Variants in FOCAD observed in about 807,000 individuals in gnomAD.
FOCAD encodes the protein KIAA1797.
FOCAD carries 198 observed loss-of-function variants against 225.6 expected under a neutral mutation model. The ratio of observed to expected loss-of-function variants is 0.88; its 90% confidence interval spans 0.78 to 0.99. The LOEUF is 0.99. FOCAD is among the 50% of genes least tolerant of loss of function. The probability of loss-of-function intolerance (pLI) is 0.00; values close to 1 mark genes in which losing one functional copy is unlikely to be tolerated. For missense variants in FOCAD, 2,713 were observed against 2,123.6 expected (o/e 1.28, Z -5.46); for synonymous variants, 897 against 755.0 (o/e 1.19, Z -3.08).
intron 5 of FOCAD, among the ~76,000 whole-genome samples, chr9:20,751,654 G>A (rs931436770): frequency 4.1e-5 from 6 of 146,280 alleles, no homozygotes; most frequent in African/African-American, 1.2e-4. Flanking sequence ...ATGATTTATA[G>A]TCCTTTGGGT....
intron 15 of FOCAD, among the ~76,000 whole-genome samples, chr9:20,843,136 G>A (rs1384277450): frequency 1.3e-5 from 2 of 151,948 alleles, no homozygotes; most frequent in African/African-American, 2.4e-5. Flanking sequence ...TATGAGTAGT[G>A]TACATACCAG....
intron 12 of FOCAD, 123 bp downstream of exon 12, chr9:20,820,023 G>A (rs1484648566): frequency 1.8e-6 from 1 of 559,126 alleles, no homozygotes; most frequent in African/African-American, 2.0e-5. Flanking sequence ...CTCTTGTTGA[G>A]CTAGGAGGTA....
At chr9:20,874,503 T>G in intron 18 of FOCAD, 178 bp from the exon 19 acceptor site, 1 of 580,930 alleles carries the variant, frequency 1.7e-6, no homozygotes, top group Non-Finnish European at 2.9e-6. Context: ...GTCATGACCA[T>G]TTAGTTAATC....
At chr9:20,921,239 T>C (rs193110449) in intron 24 of FOCAD, among the ~76,000 whole-genome samples, 1 of 152,316 alleles carries the variant, frequency 6.6e-6, no homozygotes, top group African/African-American at 2.4e-5. Context: ...TGTAATACTT[T>C]GTCCCTAAGA....
intron 15 of FOCAD, among the ~76,000 whole-genome samples, chr9:20,851,613 C>T (rs1272852984): frequency 6.6e-6 from 1 of 151,874 alleles, no homozygotes; most frequent in Non-Finnish European, 1.5e-5. Context: ...CTAGCAGCTT[C>T]TGTGTCACCT....
At chr9:20,690,441 C>T (rs934185854) in intron 1 of FOCAD, among the ~76,000 whole-genome samples, 4 of 152,158 alleles carry the variant, frequency 2.6e-5, no homozygotes, top group Admixed American at 1.3e-4. Context: ...CAATTTCTTT[C>T]CTTCTATTCT....
At chr9:20,976,336 G>C (rs1840226603) in intron 35 of FOCAD, 84 bp from the exon 36 acceptor site, 1 of 1,310,990 alleles carries the variant, frequency 7.6e-7, no homozygotes, top group African/African-American at 1.5e-5. Flanking sequence ...TTTGATGCTA[G>C]AAGGAAAGAA....
rs34385218 is a variant in FOCAD, at chr9:20,857,769, G to GTT, written c.1921-4797_1921-4796dup. ...TTAAGGTATGTTCTTTCTATACCCA[G>GTT]TTTTTTTTTTTTTGAGTTTTTTTTT... On this transcript the variant is annotated intron_variant, in intron 15 of 43. Coordinates refer to ENST00000338382, the MANE Select transcript of FOCAD (RefSeq NM_001375567.1). Among the ~76,000 whole-genome samples the GTT allele has an allele frequency of 4.9e-3, 617 of 124,658 alleles. 1 individual carries two copies. The highest frequency in any genetic ancestry group is 8.9e-3 in the African/African-American group (304 of 34,234). The allele number at this position is 124,658 out of a possible 152,430, so 81.8% of individuals were successfully genotyped here.
At position 20,695,491 on chromosome 9, in the gene FOCAD, T is replaced by C. The variant is rs958367775; in HGVS notation, c.-33+11198T>C. Among the ~76,000 whole-genome samples, 46 of 152,196 alleles carry C rather than the reference T, an allele frequency of 3.0e-4. 1 individual carries two copies. The highest frequency in any genetic ancestry group is 1.1e-3 in the Admixed American group (17 of 15,280). On this transcript the variant is annotated intron_variant, in intron 1 of 43. Transcript: ENST00000338382. The stretch of plus-strand genomic sequence containing the variant: ...TGCTTTCATTTTTTCTTTCCTCACG[T>C]TTCTTTTTACAATACAATCAGTTTT...
Position 20,764,940 on chromosome 9 carries a change from A to G in FOCAD, c.566A>G (p.Gln189Arg), listed in dbSNP as rs745506243. 6.2e-6 allele frequency: 10 copies of G among 1,614,048 alleles called. No homozygotes were observed. The East Asian group carries it at 2.0e-4, about 32-fold the overall frequency. Residue 189 changes from glutamine (Q) to arginine (R), a missense_variant, in exon 7 of 44, where the codon CAA becomes CGA. Physicochemically the swap from Gln to Arg is conservative, Grantham distance 43. Transcript: ENST00000338382. ...CTGTATTGTGAACCATCTCAGTTAC[A>G]AGAATATGCTAAACTCCGACTAGCC... ...WYLYCEPSQL[Q>R]EYAKLRLALL...
rs138365184 is a variant in FOCAD at position 20,765,046 on chromosome 9, G to A, written c.672G>A (p.Leu224=). Residue 224 remains leucine (L), a synonymous_variant, in exon 7 of 44, where the codon CTG becomes CTA. Coordinates refer to ENST00000338382, the MANE Select transcript of FOCAD (RefSeq NM_001375567.1). The part of the protein sequence containing the change: ...PSILEQQILQ[L]CCDIVPCLQV... ...TACTGGAACAGCAGATACTTCAACT[G>A]TGTTGTGACATAGTTCCATGTTTGC... is the stretch of plus-strand genomic sequence containing the variant. The A allele has an allele frequency of 4.3e-6, 7 of 1,613,718 alleles. No individual in the cohort carries two copies. The African/African-American group carries it at 8.0e-5, about 18-fold the overall frequency.
chr9:20,702,427 T>C (rs559666860), intron 1 of FOCAD, among the ~76,000 whole-genome samples: 138 of 152,280 alleles, frequency 9.1e-4, no homozygotes, highest in Non-Finnish European at 1.7e-3. Context: ...ACAAAAACTT[T>C]AAGTCAACTG....
chr9:20,860,146 A>T (rs941200923), intron 15 of FOCAD, among the ~76,000 whole-genome samples: 1 of 152,174 alleles, frequency 6.6e-6, no homozygotes, highest in Non-Finnish European at 1.5e-5. Context: ...TAATATTAAC[A>T]TCTTGCTTAT....
intron 19 of FOCAD, 174 bp downstream of exon 19, chr9:20,874,981 T>G (rs960115208): frequency 3.4e-5 from 26 of 767,484 alleles, no homozygotes; most frequent in Non-Finnish European, 4.8e-5. Flanking sequence ...GTATGGTGTT[T>G]AAATCATACG....
At chr9:20,986,674 C>T (rs570958498) in intron 40 of FOCAD, among the ~76,000 whole-genome samples, 20 of 152,188 alleles carry the variant, frequency 1.3e-4, no homozygotes, top group South Asian at 4.1e-4. Context: ...TGGATTCTTT[C>T]GAGGGGTTTT....
intron 1 of FOCAD, among the ~76,000 whole-genome samples, chr9:20,710,602 A>G (rs1186969266): frequency 5.3e-5 from 8 of 152,036 alleles, no homozygotes; most frequent in African/African-American, 1.5e-4. Context: ...GTCTCAAAAA[A>G]AAAAAATAAT....
At chr9:20,750,107 G>A (rs1055405067) in intron 5 of FOCAD, among the ~76,000 whole-genome samples, 5 of 152,124 alleles carry the variant, frequency 3.3e-5, no homozygotes, top group African/African-American at 1.2e-4. Context: ...TCTCTGAACA[G>A]TGTTGACTTT....
intron 18 of FOCAD, among the ~76,000 whole-genome samples, chr9:20,867,331 T>A (rs1033623201): frequency 6.6e-6 from 1 of 151,962 alleles, no homozygotes; most frequent in African/African-American, 2.4e-5. Context: ...AAGCATGGCC[T>A]TCATAGACTA....
intron 5 of FOCAD, among the ~76,000 whole-genome samples, chr9:20,740,918 A>G (rs914709609): frequency 3.3e-5 from 5 of 152,304 alleles, no homozygotes; most frequent in African/African-American, 1.2e-4. Context: ...GGAGGGAATC[A>G]TACTTCCTTG....
Sources: gnomAD v4.1 joint callset for allele counts (sites outside exome capture counted in the v4.1 genomes callset) on GRCh38, gnomAD v4.1.1 for gene constraint, MANE v1.5 for transcripts, NCBI Gene and HGNC (gene_info 2026-07-23, HGNC 2026-07-21) for gene names.